The following CDYL2 variants were observed in gnomAD, a reference collection of about 807,000 sequenced individuals.
CDYL2 encodes the protein chromodomain Y like 2.
A neutral mutation model predicts 49.4 loss-of-function variants in CDYL2; 23 were observed. That is an observed-to-expected ratio of 0.47 (90% CI 0.34 to 0.66). CDYL2 has a LOEUF of 0.66. CDYL2 is among the 30% of genes least tolerant of loss of function. The pLI is 0.01. For missense variants in CDYL2, 678 were observed against 656.4 expected, an observed-to-expected ratio of 1.03 and a Z score of -0.36; for synonymous variants, 360 against 268.8, an observed-to-expected ratio of 1.34 and a Z score of -3.32.
chr16:80,626,916 C>G (rs1194260661), intron 3 of CDYL2, among the ~76,000 whole-genome samples: 1 of 152,084 alleles, frequency 6.6e-6, no homozygotes, highest in Non-Finnish European at 1.5e-5. Flanking sequence ...CAAGTGACAC[C>G]ATGAAGACTC....
intron 1 of CDYL2, among the ~76,000 whole-genome samples, chr16:80,741,099 T>G (rs1567591383): frequency 6.6e-6 from 1 of 150,518 alleles, no homozygotes; most frequent in Non-Finnish European, 1.5e-5. Flanking sequence ...TACAATAAGG[T>G]AGTAAGTAAG....
intron 3 of CDYL2, among the ~76,000 whole-genome samples, chr16:80,630,374 G>A (rs4889176): frequency 0.15 from 23,103 of 152,200 alleles, 2,149 homozygotes; most frequent in Admixed American, 0.28. Flanking sequence ...CTGCTCCACA[G>A]AGGGAATGAA....
chr16:80,648,012 A>T (rs2142414812), intron 2 of CDYL2, among the ~76,000 whole-genome samples: 1 of 152,290 alleles, frequency 6.6e-6, no homozygotes, highest in East Asian at 1.9e-4. Flanking sequence ...CAGCTAAAGC[A>T]GTATTAAGAG....
At position 80,656,471 on chromosome 16, in the gene CDYL2, C is replaced by G. The variant is rs1908816684; in HGVS notation, c.617-23235G>C. ...ACAACTTGCTCGCCTGTTCTGTGCCCCCACTGTCCTGCGTGTGAAATGGGA... is the reference window on the plus strand; with the variant it reads ...ACAACTTGCTCGCCTGTTCTGTGCCGCCACTGTCCTGCGTGTGAAATGGGA... On this transcript the variant is annotated intron_variant, in intron 2 of 6. Transcript: ENST00000570137. Among the ~76,000 whole-genome samples, 5 of 152,342 alleles carry G rather than the reference C, an allele frequency of 3.3e-5. No individual in the cohort carries two copies. In the South Asian group the frequency reaches 1.0e-3, roughly 32 times the overall value.
intron 1 of CDYL2, among the ~76,000 whole-genome samples, chr16:80,741,156 T>A (rs970540476): frequency 6.7e-6 from 1 of 149,334 alleles, no homozygotes; most frequent in East Asian, 1.9e-4. Context: ...AACATATATA[T>A]ACATAATATA....
intron 1 of CDYL2, among the ~76,000 whole-genome samples, chr16:80,748,507 A>T (rs1451366834): frequency 6.9e-5 from 3 of 43,576 alleles, no homozygotes; most frequent in Non-Finnish European, 1.0e-4. Flanking sequence ...AAACTCCATT[A>T]AAAAAAAAAA....
At chr16:80,625,409 T>C (rs116316999) in intron 3 of CDYL2, among the ~76,000 whole-genome samples, 1,858 of 152,316 alleles carry the variant, frequency 0.012, 44 homozygotes, top group African/African-American at 0.042. Flanking sequence ...TGTGATTACA[T>C]TGAGCCCATC....
At chr16:80,751,068 C>G (rs2142563132) in intron 1 of CDYL2, among the ~76,000 whole-genome samples, 1 of 152,196 alleles carries the variant, frequency 6.6e-6, no homozygotes, top group South Asian at 2.1e-4. Context: ...AAAAGCTGCT[C>G]AACTCATTTT....
chr16:80,655,595 C>A (rs762830833), intron 2 of CDYL2, among the ~76,000 whole-genome samples: 40 of 152,170 alleles, frequency 2.6e-4, no homozygotes, highest in African/African-American at 9.4e-4. Flanking sequence ...GGCCCTGAGG[C>A]CATCTTACCA....
At chr16:80,663,095 T>TGGCCG in intron 2 of CDYL2, among the ~76,000 whole-genome samples, 1 of 150,038 alleles carries the variant, frequency 6.7e-6, no homozygotes, top group Non-Finnish European at 1.5e-5. Flanking sequence ...AAAAAAATTG[T>TGGCCG]GGTGTTGGGG....
intron 2 of CDYL2, among the ~76,000 whole-genome samples, chr16:80,638,671 G>C (rs1044370148): frequency 1.3e-5 from 2 of 152,142 alleles, no homozygotes; most frequent in African/African-American, 2.4e-5. Context: ...TAGATCCACA[G>C]CAATATACCG....
intron 1 of CDYL2, among the ~76,000 whole-genome samples, chr16:80,791,554 T>C (rs1043168626): frequency 2.0e-5 from 3 of 152,182 alleles, no homozygotes; most frequent in African/African-American, 7.2e-5. Flanking sequence ...AATCTCCTGA[T>C]AAGCTGAGGA....
At chr16:80,658,657 A>G (rs1419246489) in intron 2 of CDYL2, among the ~76,000 whole-genome samples, 1 of 152,224 alleles carries the variant, frequency 6.6e-6, no homozygotes, top group Non-Finnish European at 1.5e-5. Flanking sequence ...ATTGGTAAGA[A>G]TTCATGATTT....
chr16:80,768,236 G>A lies in CDYL2; in HGVS notation c.24+35914C>T, dbSNP rs1906790489. On this transcript the variant is annotated intron_variant, in intron 1 of 6. Transcript: ENST00000570137. ...AGATCCTGACAATATCCGAAACTTG[G>A]AATTCCCCTCCATTCCCTCTCTCTC... 2.6e-5 allele frequency among the ~76,000 whole-genome samples: 4 copies of A among 152,068 alleles called. No individual in the cohort carries two copies. In the South Asian group the frequency reaches 8.3e-4, roughly 32 times the overall value.
In CDYL2 at chr16:80,629,853, C is replaced by G. The variant is rs576210861; in HGVS notation, c.834+3166G>C. ...TCTGCTGGTGGACATTAAATGGCCT[C>G]TGCTTCCCATTAACAATGATGGGAA... On this transcript the variant is annotated intron_variant, in intron 3 of 6. Transcript: ENST00000570137. Among the ~76,000 whole-genome samples, 12 of 152,358 alleles carry G rather than the reference C, an allele frequency of 7.9e-5. No individual in the cohort carries two copies. The South Asian group carries it at 1.2e-3, about 16-fold the overall frequency.
intron 1 of CDYL2, among the ~76,000 whole-genome samples, chr16:80,691,384 A>C: frequency 6.6e-6 from 1 of 152,218 alleles, no homozygotes; most frequent in East Asian, 1.9e-4. Flanking sequence ...CAGAGAAGGC[A>C]GTAGGTTTTT....
At chr16:80,643,296 G>C (rs565778250) in intron 2 of CDYL2, among the ~76,000 whole-genome samples, 95 of 152,308 alleles carry the variant, frequency 6.2e-4, no homozygotes, top group African/African-American at 2.2e-3. Context: ...GTGGTCTTGG[G>C]CAGCTCCACC....
chr16:80,727,026 C>T (rs2142533591), intron 1 of CDYL2, among the ~76,000 whole-genome samples: 1 of 152,286 alleles, frequency 6.6e-6, no homozygotes, highest in East Asian at 1.9e-4. Context: ...GTAGAGGCTG[C>T]AGTGAGCCAT....
intron 6 of CDYL2, among the ~76,000 whole-genome samples, chr16:80,605,164 C>T (rs1906275119): frequency 6.6e-6 from 1 of 151,748 alleles, no homozygotes. Context: ...TCATAGTAAT[C>T]ATGGTTATAA....
Sources: allele counts gnomAD v4.1 joint callset (sites outside exome capture counted in the v4.1 genomes callset), GRCh38; gene constraint gnomAD v4.1.1; transcripts MANE v1.5; gene names NCBI Gene and HGNC (gene_info 2026-07-23, HGNC 2026-07-21).